Variants in PKP1 observed in about 807,000 individuals in gnomAD.
PKP1 encodes the protein plakophilin 1.
PKP1 carries 27 observed loss-of-function variants against 76.4 expected under a neutral mutation model. The ratio of observed to expected loss-of-function variants is 0.35; its 90% CI spans 0.26 to 0.49. The LOEUF (loss-of-function observed/expected upper bound fraction) is 0.49. Among genes scored for constraint, PKP1 ranks in the 20% least tolerant of loss-of-function variants. PKP1 has a pLI of 0.99. For missense variants in PKP1, 964 were observed against 955.2 expected (o/e 1.01, Z -0.12); for synonymous variants, 404 against 384.2 (o/e 1.05, Z -0.60).
intron 1 of PKP1, among the ~76,000 whole-genome samples, 178 bp from the exon 2 acceptor site, chr1:201,293,764 C>T (rs531843008): frequency 1.3e-5 from 2 of 152,276 alleles, no homozygotes; most frequent in South Asian, 2.1e-4. Flanking sequence ...CCCTTGGTCC[C>T]GGCTGTGGAG....
intron 2 of PKP1, among the ~76,000 whole-genome samples, chr1:201,312,055 C>A (rs906210088): frequency 1.4e-4 from 21 of 152,214 alleles, no homozygotes; most frequent in Admixed American, 2.6e-4. Flanking sequence ...CCAGCTTCTC[C>A]CCATTGCCAG....
chr1:201,320,351 C>A lies in PKP1; in HGVS notation c.1317C>A (p.Asn439Lys). 1 of 1,613,704 alleles carries A rather than the reference C, an allele frequency of 6.2e-7. No homozygotes were observed. Residue 439 changes from asparagine (N) to lysine (K), a missense_variant, in exon 7 of 14, where the codon AAC becomes AAA. By Grantham distance (94) the Asn-to-Lys change is moderately conservative (BLOSUM62 0). Coordinates refer to ENST00000367324, the MANE Select transcript of PKP1 (RefSeq NM_001005337.3). ...ATTCCCTCATGGCCTATGTCCAGAA[C>A]TGTGTAGCGGCCAGCCGCTGTGACG... ...LIDSLMAYVQ[N>K]CVAASRCDDK... is the part of the protein sequence containing the mutation.
intron 2 of PKP1, among the ~76,000 whole-genome samples, chr1:201,301,038 C>A (rs111838165): frequency 0.025 from 3,731 of 152,272 alleles, 65 homozygotes; most frequent in Non-Finnish European, 0.038. Context: ...CCTAAGCCTC[C>A]CAGGCCTTCA....
intron 12 of PKP1, among the ~76,000 whole-genome samples, chr1:201,327,682 C>T (rs941983624): frequency 2.4e-4 from 37 of 152,118 alleles, no homozygotes; most frequent in Non-Finnish European, 1.5e-5. Flanking sequence ...TCTACACATG[C>T]CTTTGGGAAC....
At chr1:201,316,736 G>A in intron 4 of PKP1, 39 bp downstream of exon 4, 1 of 1,611,118 alleles carries the variant, frequency 6.2e-7, no homozygotes, top group Non-Finnish European at 8.5e-7. Context: ...TGGGCCTGCG[G>A]AGGGCCTGGG....
At chr1:201,309,771 A>AG in intron 2 of PKP1, among the ~76,000 whole-genome samples, 1 of 152,288 alleles carries the variant, frequency 6.6e-6, no homozygotes, top group Non-Finnish European at 1.5e-5. Flanking sequence ...GTGTGGGGAC[A>AG]TTTTGCAATG....
intron 8 of PKP1, 130 bp downstream of exon 8, chr1:201,322,263 C>A: frequency 1.0e-6 from 1 of 984,170 alleles, no homozygotes; most frequent in South Asian, 1.6e-5. Flanking sequence ...CCCATGCTGA[C>A]ACCTTGGCCT....
At chr1:201,299,817 C>A (rs1656173429) in intron 2 of PKP1, among the ~76,000 whole-genome samples, 1 of 152,222 alleles carries the variant, frequency 6.6e-6, no homozygotes, top group African/African-American at 2.4e-5. Context: ...ACTACCCTAA[C>A]TTAAAACAGA....
intron 2 of PKP1, among the ~76,000 whole-genome samples, chr1:201,300,507 G>C (rs1191728638): frequency 1.3e-5 from 2 of 152,244 alleles, no homozygotes; most frequent in Non-Finnish European, 2.9e-5. Flanking sequence ...CTGAGGACTG[G>C]GTAAGCCAGG....
chr1:201,307,499 G>A (rs10920169), intron 2 of PKP1, among the ~76,000 whole-genome samples: 18,982 of 152,120 alleles, frequency 0.12, 1,462 homozygotes, highest in African/African-American at 0.21. Context: ...GAAGATTCTC[G>A]ACCGCCTGGA....
In PKP1 at chr1:201,314,218, C is replaced by T. The variant is rs778113722; in HGVS notation, c.701+658C>T. Among the ~76,000 whole-genome samples the T allele has an allele frequency of 4.6e-5, 7 of 152,178 alleles. No homozygotes were observed. In the East Asian group the frequency reaches 5.8e-4, roughly 13 times the overall value. ...CTGTAATCCCAGCACTTTGGGAGGC[C>T]GAGGCAGGAGCGGGTAGAGGGTGCT... On this transcript the variant is annotated intron_variant, in intron 3 of 13. Coordinates refer to ENST00000367324, the MANE Select transcript of PKP1 (RefSeq NM_001005337.3).
At chr1:201,311,358 A>G (rs111361163) in intron 2 of PKP1, among the ~76,000 whole-genome samples, 3 of 152,200 alleles carry the variant, frequency 2.0e-5, no homozygotes, top group Non-Finnish European at 4.4e-5. Flanking sequence ...CCAGACACCA[A>G]TTCTCTTTGG....
intron 2 of PKP1, among the ~76,000 whole-genome samples, chr1:201,308,543 G>A (rs1656435326): frequency 6.6e-6 from 1 of 152,210 alleles, no homozygotes; most frequent in African/African-American, 2.4e-5. Flanking sequence ...GTTAGAACAG[G>A]CCTTTTGGAG....
intron 2 of PKP1, among the ~76,000 whole-genome samples, chr1:201,304,366 G>T (rs1204490790): frequency 6.6e-6 from 1 of 152,254 alleles, no homozygotes; most frequent in Admixed American, 6.5e-5. Flanking sequence ...TACCACTAAG[G>T]GTGGCTGGAG....
intron 1 of PKP1, among the ~76,000 whole-genome samples, chr1:201,289,594 T>C (rs1223620024): frequency 2.0e-5 from 3 of 151,524 alleles, no homozygotes; most frequent in Admixed American, 1.3e-4. Flanking sequence ...GGATTGGGGG[T>C]GTGGAGTGTG....
At chr1:201,324,379 G>A (rs1291220033) in intron 9 of PKP1, 49 bp from the exon 10 acceptor site, 1 of 1,559,718 alleles carries the variant, frequency 6.4e-7, no homozygotes, top group East Asian at 2.4e-5. Flanking sequence ...GCCTGCCATG[G>A]TGCCTGGGAA....
intron 1 of PKP1, among the ~76,000 whole-genome samples, chr1:201,285,632 G>A (rs1655709603): frequency 6.6e-6 from 1 of 152,176 alleles, no homozygotes; most frequent in Non-Finnish European, 1.5e-5. Flanking sequence ...AGACTTGGCT[G>A]TCCCCTTCCC....
At position 201,313,574 on chromosome 1, in the gene PKP1, G is replaced by T; in HGVS notation, c.701+14G>T. The T allele has an allele frequency of 6.2e-7, 1 of 1,607,490 alleles. No individual in the cohort carries two copies. Among genetic ancestry groups the T allele is most frequent in the South Asian group, 1.1e-5 (1 of 90,582 alleles). Reference sequence around the variant, plus strand: ...GGCCAGCTCCAAGTGAGTGCTGCTGGGCTGGGTTGGGGAGCCAGGAGGGCC... The same window carrying T: ...GGCCAGCTCCAAGTGAGTGCTGCTGTGCTGGGTTGGGGAGCCAGGAGGGCC... On this transcript the variant is annotated intron_variant, in intron 3 of 13. Transcript: ENST00000367324.
intron 7 of PKP1, among the ~76,000 whole-genome samples, chr1:201,321,002 A>C (rs1225585374): frequency 6.6e-6 from 1 of 152,218 alleles, no homozygotes; most frequent in Non-Finnish European, 1.5e-5. Context: ...TGGAGGGCAG[A>C]TAAACAGAAG....
Sources: gnomAD v4.1 joint callset for allele counts (sites outside exome capture counted in the v4.1 genomes callset) on GRCh38, gnomAD v4.1.1 for gene constraint, MANE v1.5 for transcripts, NCBI Gene and HGNC (gene_info 2026-07-23, HGNC 2026-07-21) for gene names.